Variants in NUP210L observed in about 807,000 individuals in gnomAD.
The protein encoded by NUP210L is nucleoporin 210 like.
A neutral mutation model predicts 208.5 loss-of-function variants in NUP210L; 74 were observed. The observed-to-expected ratio is 0.35, with a 90% CI of 0.29 to 0.43. The LOEUF (loss-of-function observed/expected upper bound fraction) is 0.43, where lower values mean the gene tolerates loss of function less well. Among genes scored for constraint, NUP210L ranks in the 20% least tolerant of loss-of-function variants. The pLI, the probability that NUP210L is intolerant of heterozygous loss-of-function variation, is 1.00. For synonymous variants in NUP210L, 780 were observed against 816.9 expected (o/e 0.95, Z 0.77); for missense variants, 1,843 against 2,289.4 (o/e 0.81, Z 3.98).
intron 25 of NUP210L, among the ~76,000 whole-genome samples, chr1:154,053,121 T>C (rs1228066972): frequency 6.6e-6 from 1 of 152,238 alleles, no homozygotes; most frequent in African/African-American, 2.4e-5. Context: ...CTCTGCAAAC[T>C]TGTCTTTGGA....
intron 30 of NUP210L, 74 bp downstream of exon 30, chr1:154,025,468 A>C (rs1454252108): frequency 1.4e-5 from 16 of 1,107,200 alleles, no homozygotes; most frequent in Non-Finnish European, 1.9e-5. Flanking sequence ...GTTTTTTAAA[A>C]AAGAAACTCT....
chr1:154,121,160 A>G lies in NUP210L; in HGVS notation c.1327-2352T>C, dbSNP rs527435049. On this transcript the variant is annotated intron_variant, in intron 10 of 39. Transcript: ENST00000368559. ...AATGATCAATCATATTAAATCCCTT[A>G]CTGTCACTGTAATGTTTTAGGGGAG... Among the ~76,000 whole-genome samples, 304 of 152,214 alleles carry G rather than the reference A, an allele frequency of 2.0e-3. 1 individual carries two copies. The highest frequency in any genetic ancestry group is 7.0e-3 in the African/African-American group (291 of 41,536).
At chr1:154,058,433 C>T in intron 21 of NUP210L, 132 bp downstream of exon 21, 1 of 1,140,558 alleles carries the variant, frequency 8.8e-7, no homozygotes, top group South Asian at 1.5e-5. Context: ...TCTTTAAGGG[C>T]AGGTATTTCC....
intron 16 of NUP210L, among the ~76,000 whole-genome samples, chr1:154,080,339 G>A (rs937710730): frequency 4.2e-5 from 6 of 143,420 alleles, no homozygotes; most frequent in African/African-American, 1.3e-4. Flanking sequence ...CAGCCTGGGC[G>A]ACAGAGCAAG....
chr1:154,153,144 C>T (rs189784700), intron 1 of NUP210L, among the ~76,000 whole-genome samples: 81 of 151,910 alleles, frequency 5.3e-4, no homozygotes, highest in African/African-American at 1.9e-3. Context: ...TGCAGAAATA[C>T]GACTGATGTG....
At chr1:154,100,921 C>T (rs972093982) in intron 13 of NUP210L, among the ~76,000 whole-genome samples, 2 of 151,792 alleles carry the variant, frequency 1.3e-5, no homozygotes, top group Non-Finnish European at 2.9e-5. Flanking sequence ...GCCTATAATC[C>T]CAACACTTTG....
chr1:154,088,657 G>A (rs1655746609), intron 16 of NUP210L, among the ~76,000 whole-genome samples: 1 of 152,176 alleles, frequency 6.6e-6, no homozygotes, highest in Non-Finnish European at 1.5e-5. Flanking sequence ...ATAAAAGGCA[G>A]TATGGCATAA....
chr1:154,125,678 GAA>G (rs1657878857), intron 10 of NUP210L, among the ~76,000 whole-genome samples: 6 of 4,190 alleles, frequency 1.4e-3, no homozygotes, highest in East Asian at 5.7e-3. Flanking sequence ...AGGAAGGAAG[GAA>G]GGAAGGAAGG....
At position 154,056,961 on chromosome 1, in the gene NUP210L, T is replaced by A; in HGVS notation, c.3108-14A>T. Reference sequence around the variant, plus strand: ...TGCTCCATTGGTCTGCAAAAACCCATGTATTTTCAGGTGAGAAAGATTTTT... The same window carrying A: ...TGCTCCATTGGTCTGCAAAAACCCAAGTATTTTCAGGTGAGAAAGATTTTT... On this transcript the variant is annotated splice_polypyrimidine_tract_variant and intron_variant, in intron 22 of 39. Transcript: ENST00000368559. The A allele has an allele frequency of 6.2e-7, 1 of 1,605,906 alleles. No homozygotes were observed. The highest frequency in any genetic ancestry group is 1.1e-5 in the South Asian group (1 of 89,422).
intron 37 of NUP210L, among the ~76,000 whole-genome samples, chr1:153,998,679 A>G (rs931869991): frequency 1.3e-5 from 2 of 149,876 alleles, no homozygotes; most frequent in African/African-American, 4.9e-5. Context: ...ACTCTGTTCC[A>G]ATACATTCTG....
chr1:154,054,110 G>A (rs1470510809), intron 25 of NUP210L, 118 bp downstream of exon 25: 5 of 929,570 alleles, frequency 5.4e-6, no homozygotes, highest in Non-Finnish European at 8.3e-6. Flanking sequence ...CCAGGTAGGG[G>A]CACTCTAAGG....
chr1:154,103,659 G>T (rs1206808751), intron 13 of NUP210L, among the ~76,000 whole-genome samples: 3 of 128,520 alleles, frequency 2.3e-5, no homozygotes, highest in Non-Finnish European at 4.8e-5. Context: ...GCGACAGAGC[G>T]AGACTCCGTC....
rs1557995138 is a variant in NUP210L, at chr1:154,125,746, G to GAAGA, written c.1326+576_1326+577insTCTT. Among the ~76,000 whole-genome samples, 4 of 4,116 alleles carry GAAGA rather than the reference G, an allele frequency of 9.7e-4. 2 individuals are homozygous for GAAGA. The highest frequency in any genetic ancestry group is 1.3e-3 in the African/African-American group (4 of 3,102). The allele number at this position is 4,116 out of a possible 152,430, so 2.7% of individuals were successfully genotyped here. On this transcript the variant is annotated intron_variant, in intron 10 of 39. Coordinates refer to ENST00000368559, the Ensembl canonical transcript of NUP210L. ...GGAAGGAAGGAAGGAAGGGAGGGAG[G>GAAGA]GAAATGTTTTTTTTTTTTTTTTTTT...
rs559590301 is a variant in NUP210L at position 154,051,823 on chromosome 1, C to T, written c.3483+2405G>A. ...TGCCTCTGTTAAACATCACCTTTTG[C>T]AGTGTTTCCTGGTGATGGGCATTCC... On this transcript the variant is annotated intron_variant, in intron 25 of 39. Coordinates refer to ENST00000368559, the Ensembl canonical transcript of NUP210L. Among the ~76,000 whole-genome samples, 4 of 152,346 alleles carry T rather than the reference C, an allele frequency of 2.6e-5. No homozygotes were observed. In the East Asian group the frequency reaches 7.7e-4, roughly 29 times the overall value.
At chr1:153,996,593 C>T (rs1439228419) in intron 37 of NUP210L, among the ~76,000 whole-genome samples, 2 of 151,844 alleles carry the variant, frequency 1.3e-5, no homozygotes, top group East Asian at 3.9e-4. Flanking sequence ...GGCTAATTTT[C>T]GTATTTTTAG....
intron 27 of NUP210L, among the ~76,000 whole-genome samples, chr1:154,035,685 C>A (rs1286976302): frequency 6.6e-6 from 1 of 151,830 alleles, no homozygotes; most frequent in East Asian, 1.9e-4. Flanking sequence ...AGGTGACCGG[C>A]CTCTACTTTT....
chr1:153,996,351 G>C (rs1377321829), intron 37 of NUP210L, among the ~76,000 whole-genome samples: 5 of 152,122 alleles, frequency 3.3e-5, no homozygotes, highest in African/African-American at 1.2e-4. Flanking sequence ...TTAACCCCAG[G>C]TAACATGCTT....
At chr1:154,070,133 T>C in intron 17 of NUP210L, 140 bp downstream of exon 17, 1 of 631,278 alleles carries the variant, frequency 1.6e-6, no homozygotes. Flanking sequence ...CAAACCAACA[T>C]GGCACATGTA....
intron 27 of NUP210L, among the ~76,000 whole-genome samples, chr1:154,039,376 G>A (rs1238567840): frequency 6.6e-6 from 1 of 151,894 alleles, no homozygotes; most frequent in East Asian, 1.9e-4. Context: ...TGGGATTACA[G>A]GTGCCTGCCA....
Sources: gnomAD v4.1 joint callset for allele counts (sites outside exome capture counted in the v4.1 genomes callset) on GRCh38, gnomAD v4.1.1 for gene constraint, MANE v1.5 for transcripts, NCBI Gene and HGNC (gene_info 2026-07-23, HGNC 2026-07-21) for gene names.